SLC25A13: variants seen among roughly 807,000 people sequenced by gnomAD.
SLC25A13 encodes the protein electrogenic aspartate/glutamate antiporter SLC25A13, mitochondrial.
A neutral mutation model predicts 85.5 loss-of-function variants in SLC25A13; 70 were observed. That is an observed-to-expected ratio of 0.82 (90% CI 0.68 to 1.00). The LOEUF (loss-of-function observed/expected upper bound fraction) is 1.00, where lower values mean the gene tolerates loss of function less well. SLC25A13 is among the 50% of genes least tolerant of loss of function. SLC25A13 has a pLI of 0.00. For missense variants in SLC25A13, 765 were observed against 819.8 expected (o/e 0.93, Z 0.82); for synonymous variants, 259 against 288.7 (o/e 0.90, Z 1.04).
intron 13 of SLC25A13, among the ~76,000 whole-genome samples, chr7:96,169,010 A>C (rs558878370): frequency 6.6e-6 from 1 of 152,310 alleles, no homozygotes; most frequent in South Asian, 2.1e-4. Flanking sequence ...ACGCTCCTAA[A>C]GTTACAGAAC....
At chr7:96,182,293 CA>C (rs1434806625) in intron 11 of SLC25A13, among the ~76,000 whole-genome samples, 1 of 152,208 alleles carries the variant, frequency 6.6e-6, no homozygotes, top group African/African-American at 2.4e-5. Context: ...AAAAATTTTA[CA>C]GTAAATTTTT....
intron 11 of SLC25A13, among the ~76,000 whole-genome samples, chr7:96,183,450 G>GAGAGGAGGGAAA (rs1226958484): frequency 2.0e-5 from 3 of 152,184 alleles, no homozygotes; most frequent in Non-Finnish European, 4.4e-5. Flanking sequence ...ATTAGTAGGG[G>GAGAGGAGGGAAA]AGAGGAGGGA....
At chr7:96,202,845 T>A (rs1795311311) in intron 5 of SLC25A13, among the ~76,000 whole-genome samples, 1 of 152,042 alleles carries the variant, frequency 6.6e-6, no homozygotes, top group South Asian at 2.1e-4. Flanking sequence ...ACCACCATCC[T>A]CCCACTAGCC....
intron 2 of SLC25A13, among the ~76,000 whole-genome samples, chr7:96,287,547 C>T (rs1036881218): frequency 1.8e-4 from 28 of 152,202 alleles, no homozygotes; most frequent in Non-Finnish European, 5.9e-5. Flanking sequence ...TAGACTCTCC[C>T]CCAGTATAGT....
chr7:96,195,481 C>G (rs1341519851), intron 5 of SLC25A13, among the ~76,000 whole-genome samples: 1 of 152,194 alleles, frequency 6.6e-6, no homozygotes. Context: ...GACTGTCAGT[C>G]TGGAGCTTGG....
intron 3 of SLC25A13, among the ~76,000 whole-genome samples, chr7:96,259,678 C>A (rs997946399): frequency 2.6e-5 from 4 of 152,134 alleles, no homozygotes; most frequent in African/African-American, 9.7e-5. Flanking sequence ...ACTAGAAATA[C>A]CATTTGACCT....
intron 4 of SLC25A13, among the ~76,000 whole-genome samples, chr7:96,221,664 T>C (rs993842064): frequency 6.6e-6 from 1 of 152,250 alleles, no homozygotes; most frequent in African/African-American, 2.4e-5. Flanking sequence ...TAGCTTTATA[T>C]ATTTAATATT....
chr7:96,184,247 C>T, intron 11 of SLC25A13, 30 bp downstream of exon 11: 1 of 1,613,278 alleles, frequency 6.2e-7, no homozygotes, highest in Non-Finnish European at 8.5e-7. Flanking sequence ...TGTTATTTCA[C>T]CTAACAGGTA....
At chr7:96,304,783 T>C (rs1167467500) in intron 1 of SLC25A13, among the ~76,000 whole-genome samples, 5 of 152,172 alleles carry the variant, frequency 3.3e-5, no homozygotes, top group Non-Finnish European at 7.3e-5. Context: ...TGCAGTGTAC[T>C]AGGCCCAGCG....
At chr7:96,189,750 G>T in intron 7 of SLC25A13, 76 bp from the exon 8 acceptor site, 1 of 1,148,648 alleles carries the variant, frequency 8.7e-7, no homozygotes, top group Non-Finnish European at 1.3e-6. Flanking sequence ...TCAAGGCACT[G>T]GAATGAGTGA....
At chr7:96,283,721 G>T in intron 2 of SLC25A13, 1 of 267,858 alleles carries the variant, frequency 3.7e-6, no homozygotes, top group Non-Finnish European at 7.3e-6. Context: ...CCTGGTGTCA[G>T]CCTGCTCCAC....
At chr7:96,130,212 A>G (rs1035406916) in intron 15 of SLC25A13, among the ~76,000 whole-genome samples, 6 of 152,256 alleles carry the variant, frequency 3.9e-5, no homozygotes, top group African/African-American at 1.4e-4. Context: ...AGAGTTAAAG[A>G]TGGTATTTTT....
chr7:96,277,057 G>A (rs1269330229), intron 3 of SLC25A13, 139 bp downstream of exon 3: 2 of 769,656 alleles, frequency 2.6e-6, no homozygotes, highest in Non-Finnish European at 3.9e-6. Context: ...CTCAAATAAT[G>A]TAATAATAAT....
At chr7:96,165,845 G>C (rs1015987565) in intron 13 of SLC25A13, among the ~76,000 whole-genome samples, 2 of 152,182 alleles carry the variant, frequency 1.3e-5, no homozygotes, top group African/African-American at 2.4e-5. Flanking sequence ...GCACACCTGT[G>C]TCTGTATTGT....
chr7:96,308,251 T>C (rs1203520430), intron 1 of SLC25A13, among the ~76,000 whole-genome samples: 2 of 151,998 alleles, frequency 1.3e-5, no homozygotes, highest in East Asian at 1.9e-4. Context: ...AGAATAACAA[T>C]TGAATGAAAA....
intron 4 of SLC25A13, among the ~76,000 whole-genome samples, chr7:96,231,647 C>A (rs981497677): frequency 6.6e-6 from 1 of 151,918 alleles, no homozygotes; most frequent in Admixed American, 6.6e-5. Context: ...CTGCTTGAAC[C>A]CAGGAGGTGG....
chr7:96,299,985 A>G (rs1183580583), intron 1 of SLC25A13, among the ~76,000 whole-genome samples: 2 of 152,264 alleles, frequency 1.3e-5, no homozygotes, highest in Non-Finnish European at 2.9e-5. Flanking sequence ...TGGAGCCACC[A>G]TCATATATGC....
At chr7:96,135,716 T>C (rs914510318) in intron 14 of SLC25A13, among the ~76,000 whole-genome samples, 12 of 152,190 alleles carry the variant, frequency 7.9e-5, no homozygotes, top group Non-Finnish European at 1.6e-4. Context: ...AAACATTCCA[T>C]GCTGCCCTAG....
chr7:96,147,083 ATCCAAATGAGGAGACACAGAACG>A (rs1792836183), intron 13 of SLC25A13, among the ~76,000 whole-genome samples: 1 of 126,726 alleles, frequency 7.9e-6, no homozygotes, highest in African/African-American at 5.2e-5. Flanking sequence ...CACAGAACGT[ATCCAAATGAGGAGACACAGAACG>A]TATCCAAATG....
Sources: allele counts gnomAD v4.1 joint callset (sites outside exome capture counted in the v4.1 genomes callset), GRCh38; gene constraint gnomAD v4.1.1; transcripts MANE v1.5; gene names NCBI Gene and HGNC (gene_info 2026-07-23, HGNC 2026-07-21).